PDE4D: variants seen among roughly 807,000 people sequenced by gnomAD.
PDE4D encodes 3',5'-cyclic-AMP phosphodiesterase 4D.
PDE4D carries 24 observed loss-of-function variants against 87.4 expected under a neutral mutation model. That is an observed-to-expected ratio of 0.27 (90% CI 0.20 to 0.39). The LOEUF is 0.39. Among genes scored for constraint, PDE4D ranks in the 10% least tolerant of loss-of-function variants. PDE4D has a pLI of 1.00. For missense variants in PDE4D, 714 were observed against 1,041.0 expected (o/e 0.69, Z 4.32); for synonymous variants, 384 against 383.2 (o/e 1.00, Z -0.02).
At chr5:60,451,115 C>G (rs1486694778) in intron 1 of PDE4D, among the ~76,000 whole-genome samples, 1 of 152,072 alleles carries the variant, frequency 6.6e-6, no homozygotes, top group African/African-American at 2.4e-5. Flanking sequence ...CTGGAGATCA[C>G]TAGGCCTCCT....
chr5:60,298,464 G>A (rs148581044), intron 1 of PDE4D, among the ~76,000 whole-genome samples: 8 of 152,114 alleles, frequency 5.3e-5, no homozygotes, highest in Non-Finnish European at 4.4e-5. Context: ...TACACACAGA[G>A]AATATTTAAG....
intron 1 of PDE4D, among the ~76,000 whole-genome samples, chr5:59,628,004 A>G (rs1303022824): frequency 6.6e-6 from 1 of 152,192 alleles, no homozygotes; most frequent in African/African-American, 2.4e-5. Context: ...TGTAAAACAG[A>G]ATCTGTACAT....
chr5:59,416,089 A>G (rs925860803), intron 1 of PDE4D, among the ~76,000 whole-genome samples: 1 of 152,198 alleles, frequency 6.6e-6, no homozygotes, highest in South Asian at 2.1e-4. Context: ...ACATGATCAC[A>G]TTGTTAATCT....
intron 1 of PDE4D, among the ~76,000 whole-genome samples, chr5:59,454,926 C>A (rs1799689727): frequency 6.6e-6 from 1 of 152,118 alleles, no homozygotes; most frequent in Non-Finnish European, 1.5e-5. Flanking sequence ...GAACTTTGAA[C>A]TTGAGGGAGG....
At chr5:59,980,778 T>C (rs777237722) in intron 3 of PDE4D, among the ~76,000 whole-genome samples, 1 of 152,216 alleles carries the variant, frequency 6.6e-6, no homozygotes, top group Non-Finnish European at 1.5e-5. Context: ...ATTGAAGGCA[T>C]GGCAGATATA....
chr5:60,118,668 A>G (rs1778389635), intron 2 of PDE4D, among the ~76,000 whole-genome samples: 1 of 151,640 alleles, frequency 6.6e-6, no homozygotes, highest in South Asian at 2.1e-4. Flanking sequence ...TTGAAATTCC[A>G]CCTCTTACTT....
intron 2 of PDE4D, among the ~76,000 whole-genome samples, chr5:60,009,463 T>C (rs1764803393): frequency 6.6e-6 from 1 of 152,056 alleles, no homozygotes; most frequent in Non-Finnish European, 1.5e-5. Flanking sequence ...ATGACAAACA[T>C]TCCTGCCTTC....
At chr5:59,324,060 C>T (rs1775200130) in intron 1 of PDE4D, among the ~76,000 whole-genome samples, 3 of 152,096 alleles carry the variant, frequency 2.0e-5, no homozygotes, top group Non-Finnish European at 2.9e-5. Flanking sequence ...TACCCTCTCT[C>T]TCCTTCCACC....
At chr5:59,348,911 G>A (rs1052078884) in intron 1 of PDE4D, among the ~76,000 whole-genome samples, 8 of 151,608 alleles carry the variant, frequency 5.3e-5, no homozygotes, top group Admixed American at 2.0e-4. Flanking sequence ...GGGCAAAACA[G>A]ACTCTAAAAT....
intron 1 of PDE4D, among the ~76,000 whole-genome samples, chr5:59,491,118 G>A (rs967606144): frequency 1.3e-5 from 2 of 152,238 alleles, no homozygotes; most frequent in South Asian, 2.1e-4. Flanking sequence ...TACCTATAAT[G>A]ACATTAGTTA....
chr5:59,454,018 A>T (rs879599644), intron 1 of PDE4D, among the ~76,000 whole-genome samples: 4 of 152,152 alleles, frequency 2.6e-5, no homozygotes, highest in Admixed American at 2.6e-4. Context: ...CAGTCTAATA[A>T]TCCTGGGGCC....
intron 1 of PDE4D, among the ~76,000 whole-genome samples, chr5:59,791,180 G>T (rs1368436994): frequency 6.6e-6 from 1 of 152,212 alleles, no homozygotes; most frequent in Admixed American, 6.5e-5. Flanking sequence ...TAAATCTCCT[G>T]TTGAGAAATT....
intron 1 of PDE4D, among the ~76,000 whole-genome samples, chr5:60,268,116 G>A (rs2149717025): frequency 6.6e-6 from 1 of 152,246 alleles, no homozygotes; most frequent in African/African-American, 2.4e-5. Flanking sequence ...AAAAATTCTA[G>A]AGCAGACAGA....
At chr5:59,126,697 T>C (rs77553586) in intron 5 of PDE4D, among the ~76,000 whole-genome samples, 1,923 of 152,330 alleles carry the variant, frequency 0.013, 47 homozygotes, top group African/African-American at 0.044. Context: ...TTTATGTGCC[T>C]ATGTCCTTTT....
chr5:59,326,979 C>T (rs1466550523), intron 1 of PDE4D, among the ~76,000 whole-genome samples: 2 of 152,002 alleles, frequency 1.3e-5, no homozygotes, highest in African/African-American at 4.8e-5. Flanking sequence ...TGTCATGTGC[C>T]AGGTCCTGTG....
intron 1 of PDE4D, among the ~76,000 whole-genome samples, chr5:59,696,250 A>C (rs1029713516): frequency 6.6e-6 from 1 of 152,184 alleles, no homozygotes; most frequent in African/African-American, 2.4e-5. Context: ...GCCAGGATTC[A>C]ACTCAGGCCA....
At chr5:60,347,337 T>C (rs1179643508) in intron 1 of PDE4D, among the ~76,000 whole-genome samples, 1 of 151,932 alleles carries the variant, frequency 6.6e-6, no homozygotes, top group African/African-American at 2.4e-5. Flanking sequence ...GAAAGAAGAT[T>C]CTTAGGAGCC....
intron 6 of PDE4D, among the ~76,000 whole-genome samples, chr5:59,033,263 G>A (rs959952637): frequency 1.3e-5 from 2 of 152,152 alleles, no homozygotes; most frequent in African/African-American, 2.4e-5. Context: ...CCCAATCCCT[G>A]TTACAGGGAA....
intron 1 of PDE4D, among the ~76,000 whole-genome samples, chr5:59,407,879 G>C (rs961514575): frequency 6.6e-6 from 1 of 152,158 alleles, no homozygotes; most frequent in African/African-American, 2.4e-5. Context: ...CCTATGCTCA[G>C]ATGCAGAAGC....
Sources: allele counts gnomAD v4.1 joint callset (sites outside exome capture counted in the v4.1 genomes callset), GRCh38; gene constraint gnomAD v4.1.1; transcripts MANE v1.5; gene names NCBI Gene and HGNC (gene_info 2026-07-23, HGNC 2026-07-21).